The following BRPF1 variants were observed in gnomAD, a reference collection of about 807,000 sequenced individuals.
BRPF1 encodes the protein peregrin.
Under a neutral mutation model 115.0 loss-of-function variants are expected in BRPF1, and 15 were observed. The observed-to-expected ratio is 0.13, with a 90% CI of 0.09 to 0.20. The LOEUF is 0.20. BRPF1 is among the 10% of genes least tolerant of loss of function. The pLI is 1.00. For missense variants in BRPF1, 1,118 were observed against 1,638.3 expected (o/e 0.68, Z 5.48); for synonymous variants, 647 against 619.8 (o/e 1.04, Z -0.65).
chr3:9,740,940 G>T lies in BRPF1; in HGVS notation c.1721G>T (p.Gly574Val). ...TCTCAGAGGAACTGTGACCAAGTTG[G>T]GGTACTGTGTCCAGTTCCCTGTGGG... ...LQSQRNCDQVGRDSEDKNWAL... is the reference protein window; with the variant it reads ...LQSQRNCDQVVRDSEDKNWAL... The change falls in exon 4 of 14, where the codon GGG (glycine) becomes GTG (valine). Residue 574 changes from glycine to valine, a missense_variant and splice_region_variant. By Grantham distance (109) the Gly-to-Val change is moderately radical. Transcript: ENST00000383829. 6.2e-7 allele frequency: 1 copy of T among 1,610,750 alleles called. No homozygotes were observed.
intron 2 of BRPF1, among the ~76,000 whole-genome samples, chr3:9,736,690 C>A (rs1441284523): frequency 3.9e-5 from 6 of 152,244 alleles, no homozygotes; most frequent in Non-Finnish European, 8.8e-5. Context: ...TCAGCAGGTA[C>A]ACTGCAAACA....
rs1234483821 is a variant in BRPF1, at chr3:9,746,360, C to G, written c.3385C>G (p.Pro1129Ala). The G allele has an allele frequency of 6.2e-7, 1 of 1,607,858 alleles. No individual in the cohort carries two copies. Among genetic ancestry groups the G allele is most frequent in the Non-Finnish European group, 8.5e-7 (1 of 1,175,612 alleles). Residue 1129 changes from proline to alanine, a missense_variant, in exon 13 of 14, where the codon CCC (proline) becomes GCC (alanine). Pro to Ala is a conservative substitution (Grantham distance 27). This residue lies in a region of BRPF1 where 76 missense variants were observed against 166.1 expected (regional missense o/e 0.46). Coordinates refer to ENST00000383829, the MANE Select transcript of BRPF1 (RefSeq NM_001003694.2). ...MFHHGVPIPV[P>A]PLEVLKLGEQ... ...CCACCATGGGGTTCCCATCCCTGTGCCCCCACTGGAGGTGCTGAAACTTGG... is the reference window on the plus strand; with the variant it reads ...CCACCATGGGGTTCCCATCCCTGTGGCCCCACTGGAGGTGCTGAAACTTGG...
chr3:9,746,160 A>T, intron 12 of BRPF1, 140 bp from the exon 13 acceptor site: 1 of 1,211,820 alleles, frequency 8.3e-7, no homozygotes, highest in Non-Finnish European at 1.2e-6. Flanking sequence ...GCATGGAAAG[A>T]AGCTGAGGGT....
At chr3:9,744,905 A>C in intron 9 of BRPF1, 103 bp from the exon 10 acceptor site, 1 of 1,518,852 alleles carries the variant, frequency 6.6e-7, no homozygotes, top group Middle Eastern at 1.7e-4. Flanking sequence ...ATTTTCCAGC[A>C]CAGAAGGGGA....
Position 9,739,571 on chromosome 3 carries a change from A to G in BRPF1, c.1172A>G (p.Gln391Arg), listed in dbSNP as rs1470103282. The change falls in exon 3 of 14, where the codon CAA becomes CGA. Residue 391 changes from glutamine to arginine, a missense_variant. Around this residue, in one of 10 missense-constraint regions of BRPF1, gnomAD observed 64 missense variants for 172.8 expected, o/e 0.37. Transcript: ENST00000383829. The stretch of plus-strand genomic sequence containing the variant: ...AAGCTCACCTGCTACATTTGCAAAC[A>G]ACGGGGCTCAGGGGCCTGCATCCAG... ...RWKLTCYICK[Q>R]RGSGACIQCH... is the part of the protein sequence containing the mutation. 1 of 1,612,814 alleles carries G rather than the reference A, an allele frequency of 6.2e-7. No individual in the cohort carries two copies.
intron 5 of BRPF1, among the ~76,000 whole-genome samples, chr3:9,741,711 G>A (rs1341311029): frequency 2.0e-5 from 3 of 151,960 alleles, no homozygotes; most frequent in Non-Finnish European, 2.9e-5. Context: ...CAGGGCTGAC[G>A]CTGGAGTCAG....
intron 4 of BRPF1, 110 bp downstream of exon 4, chr3:9,741,051 T>A: frequency 8.0e-7 from 1 of 1,246,380 alleles, no homozygotes; most frequent in Non-Finnish European, 1.1e-6. Flanking sequence ...TTTCCTCCTT[T>A]AAGCTAGCCC....
chr3:9,736,324 A>C (rs969827559), intron 2 of BRPF1, among the ~76,000 whole-genome samples: 3 of 152,188 alleles, frequency 2.0e-5, no homozygotes, highest in African/African-American at 7.2e-5. Flanking sequence ...AGTTCTTTAA[A>C]AGCAAATCTG....
Position 9,739,197 on chromosome 3 carries a change from T to A in BRPF1, c.798T>A (p.Pro266=). 1 of 1,613,834 alleles carries A rather than the reference T, an allele frequency of 6.2e-7. No homozygotes were observed. Among genetic ancestry groups the A allele is most frequent in the Non-Finnish European group, 8.5e-7 (1 of 1,179,790 alleles). ...TTGAGAGTCATAATAAAGGCGACCCTAATGCGCTAGTGGACGAGGATGCTG... is the reference window on the plus strand; with the variant it reads ...TTGAGAGTCATAATAAAGGCGACCCAAATGCGCTAGTGGACGAGGATGCTG... ...SYFESHNKGD[P]NALVDEDAVC... The change falls in exon 3 of 14, where the codon CCT becomes CCA. Residue 266 remains proline (P), a synonymous_variant. Coordinates refer to ENST00000383829, the MANE Select transcript of BRPF1 (RefSeq NM_001003694.2).
Position 9,745,651 on chromosome 3 carries a change from C to G in BRPF1, c.3147C>G (p.Thr1049=). Residue 1049 remains threonine, a synonymous_variant, in exon 11 of 14, where the codon ACC becomes ACG. Coordinates refer to ENST00000383829, the MANE Select transcript of BRPF1 (RefSeq NM_001003694.2). The surrounding 1 kb of genome is among the most constrained non-coding windows in gnomAD (Gnocchi z 5.1). ...GTFPEDSSED[T]SGTENEAYSV... ...TCCCAGAGGACAGCAGTGAGGATAC[C>G]TCAGGCACTGAGAATGAGGCCTACT... is the stretch of plus-strand genomic sequence containing the variant. The G allele has an allele frequency of 6.2e-7, 1 of 1,614,244 alleles. No individual in the cohort carries two copies. Among genetic ancestry groups the G allele is most frequent in the South Asian group, 1.1e-5 (1 of 91,084 alleles).
intron 2 of BRPF1, among the ~76,000 whole-genome samples, chr3:9,737,476 A>G: frequency 6.6e-6 from 1 of 152,236 alleles, no homozygotes; most frequent in East Asian, 1.9e-4. Context: ...TTACAGATGA[A>G]CAAACAAGGC....
intron 2 of BRPF1, among the ~76,000 whole-genome samples, chr3:9,736,967 G>A (rs368098207): frequency 2.0e-5 from 3 of 152,272 alleles, no homozygotes; most frequent in African/African-American, 7.2e-5. Context: ...AGTGTGTTAT[G>A]CACCATCACA....
chr3:9,739,984 A>G, intron 3 of BRPF1, 26 bp downstream of exon 3: 1 of 1,531,206 alleles, frequency 6.5e-7, no homozygotes, highest in Non-Finnish European at 8.8e-7. Context: ...GTGGACAGGC[A>G]GATGAGGGAG....
At position 9,742,821 on chromosome 3, in the gene BRPF1, G is replaced by C. The variant is rs1393181387; in HGVS notation, c.2002-123G>C. The C allele has an allele frequency of 8.3e-6, 9 of 1,081,628 alleles. No homozygotes were observed. The African/African-American group carries it at 1.4e-4, about 17-fold the overall frequency. 67.0% of individuals were successfully genotyped at this position (1,081,628 alleles called of 1,614,324 possible). A position where few individuals can be genotyped will look rare whatever the true frequency, so the allele number is the denominator to read the frequency against. ...AGCTTTCCTTTCCCCTGTGCTATAT[G>C]CCTGCCTCTAACTGTGGTGGGAGGA... On this transcript the variant is annotated intron_variant, in intron 6 of 13. Coordinates refer to ENST00000383829, the MANE Select transcript of BRPF1 (RefSeq NM_001003694.2).
Position 9,739,534 on chromosome 3 carries a change from C to T in BRPF1, c.1135C>T (p.Pro379Ser), listed in dbSNP as rs1223253267. The T allele has an allele frequency of 6.2e-7, 1 of 1,613,486 alleles. No homozygotes were observed. The highest frequency in any genetic ancestry group is 1.1e-5 in the South Asian group (1 of 91,078). Residue 379 changes from proline to serine, a missense_variant, in exon 3 of 14, where the codon CCA (proline) becomes TCA (serine). Transcript: ENST00000383829. ...TATTGACAGCATTGAGCACATCCCA[C>T]CAGCTCGCTGGAAGCTCACCTGCTA... ...EPIDSIEHIP[P>S]ARWKLTCYIC...
intron 5 of BRPF1, 152 bp downstream of exon 5, chr3:9,741,591 C>A (rs568259654): frequency 4.4e-5 from 24 of 541,098 alleles, no homozygotes; most frequent in Non-Finnish European, 6.5e-5. Context: ...GAGCCAAGAT[C>A]GTGCCACTGT....
rs761763071 is a variant in BRPF1 at position 9,734,298 on chromosome 3, C to T, written c.158C>T (p.Pro53Leu). 4 of 1,614,096 alleles carry T rather than the reference C, an allele frequency of 2.5e-6. No individual in the cohort carries two copies. The highest frequency in any genetic ancestry group is 1.1e-5 in the South Asian group (1 of 91,074). Residue 53 changes from proline (P) to leucine (L), a missense_variant, in exon 2 of 14, where the codon CCA becomes CTA. Transcript: ENST00000383829. This position sits in a 1 kb window ranked among gnomAD's most constrained non-coding sequence, Gnocchi z 5.7. ...YHYDHDNPPP[P>L]QQTPLRKHKK... ...TATGACCACGACAACCCACCACCCC[C>T]ACAACAAACTCCACTCCGCAAGCAC... is the stretch of plus-strand genomic sequence containing the variant.
intron 2 of BRPF1, among the ~76,000 whole-genome samples, chr3:9,736,155 G>A (rs548912464): frequency 1.1e-4 from 17 of 151,938 alleles, no homozygotes; most frequent in Non-Finnish European, 2.2e-4. Flanking sequence ...TTACAGGCAC[G>A]TGCCACCACA....
In BRPF1 at chr3:9,739,668, G is replaced by A; in HGVS notation, c.1269G>A (p.Met423Ile). The change falls in exon 3 of 14, where the codon ATG (methionine) becomes ATA (isoleucine). Residue 423 changes from methionine (M) to isoleucine (I), a missense_variant. Around this residue, in one of 10 missense-constraint regions of BRPF1, gnomAD observed 87 missense variants for 93.4 expected, o/e 0.93. Transcript: ENST00000383829. ...AGCAGGCTGGCCTTTACATGAAGAT[G>A]GAGCCTGTGCGGGAGACAGGCGCCA... ...CAQQAGLYMK[M>I]EPVRETGANG... 1 of 1,612,832 alleles carries A rather than the reference G, an allele frequency of 6.2e-7. No individual in the cohort carries two copies. Among genetic ancestry groups the A allele is most frequent in the Non-Finnish European group, 8.5e-7 (1 of 1,178,854 alleles).
Sources: allele counts gnomAD v4.1 joint callset (sites outside exome capture counted in the v4.1 genomes callset), GRCh38; gene constraint gnomAD v4.1.1; regional missense constraint gnomAD v4.1.1; non-coding constraint Gnocchi (gnomAD v3.1); transcripts MANE v1.5; gene names NCBI Gene and HGNC (gene_info 2026-07-23, HGNC 2026-07-21).